The following CDKL1 variants were observed in gnomAD, a reference collection of about 807,000 sequenced individuals.
CDKL1 encodes the protein cyclin-dependent kinase-like 1.
CDKL1 carries 41 observed loss-of-function variants against 42.0 expected under a neutral mutation model. The ratio of observed to expected loss-of-function variants is 0.98; its 90% CI spans 0.76 to 1.27. The LOEUF (loss-of-function observed/expected upper bound fraction) is 1.27, where lower values mean the gene tolerates loss of function less well. Among genes scored for constraint, CDKL1 ranks in the 50% most tolerant of loss-of-function variants. The probability of loss-of-function intolerance (pLI) is 0.00; values close to 1 mark genes in which losing one functional copy is unlikely to be tolerated. For missense variants in CDKL1, 394 were observed against 428.4 expected, an observed-to-expected ratio of 0.92 and a Z score of 0.71; for synonymous variants, 153 against 158.6, an observed-to-expected ratio of 0.96 and a Z score of 0.26.
chr14:50,327,709 C>T lies in CDKL1; in HGVS notation c.*2365G>A, dbSNP rs964411244. The T allele has an allele frequency of 1.3e-5, 2 of 152,046 alleles. No homozygotes were observed. Among genetic ancestry groups the T allele is most frequent in the African/African-American group, 4.8e-5 (2 of 41,404 alleles). The allele number at this position is 152,046 out of a possible 1,614,324, so 9.4% of individuals were successfully genotyped here. A position where few individuals can be genotyped will look rare whatever the true frequency, so the allele number is the denominator to read the frequency against. ...TGAACTCCTAACCTCAGGATCCACC[C>T]GCCTCGGCCTCCCAAAGTGCTGGGA... On this transcript the variant is annotated 3_prime_UTR_variant, in exon 10 of 10. Transcript: ENST00000395834.
intron 6 of CDKL1, among the ~76,000 whole-genome samples, 198 bp from the exon 7 acceptor site, chr14:50,339,227 C>T (rs1012354389): frequency 2.0e-5 from 3 of 152,058 alleles, no homozygotes; most frequent in Non-Finnish European, 4.4e-5. Flanking sequence ...CTGTGTTAGG[C>T]ACAGAGGAGG....
chr14:50,370,788 T>C (rs1243488850), intron 2 of CDKL1, among the ~76,000 whole-genome samples: 2 of 152,100 alleles, frequency 1.3e-5, no homozygotes, highest in East Asian at 1.9e-4. Context: ...CAGTGGGGCA[T>C]ACCTGTTTAA....
chr14:50,387,102 G>A (rs1244493559), intron 2 of CDKL1, among the ~76,000 whole-genome samples: 2 of 151,850 alleles, frequency 1.3e-5, no homozygotes, highest in Non-Finnish European at 2.9e-5. Context: ...AGCTATTCAG[G>A]AGGCTGAGGT....
intron 3 of CDKL1, among the ~76,000 whole-genome samples, chr14:50,352,594 A>G (rs1278537713): frequency 6.6e-6 from 1 of 152,212 alleles, no homozygotes; most frequent in Non-Finnish European, 1.5e-5. Flanking sequence ...AGATCTAAAA[A>G]TTATAATGCA....
intron 3 of CDKL1, among the ~76,000 whole-genome samples, chr14:50,347,329 G>C (rs1479788581): frequency 6.6e-6 from 1 of 152,176 alleles, no homozygotes; most frequent in Non-Finnish European, 1.5e-5. Flanking sequence ...AATATATTCT[G>C]TGGTGTTGGA....
intron 5 of CDKL1, 37 bp from the exon 6 acceptor site, chr14:50,341,269 G>T: frequency 1.3e-6 from 2 of 1,548,116 alleles, no homozygotes; most frequent in Non-Finnish European, 1.8e-6. Context: ...AAACAGCAGC[G>T]GAAGGCTGGA....
intron 2 of CDKL1, among the ~76,000 whole-genome samples, chr14:50,373,631 A>T (rs1430390443): frequency 3.3e-5 from 5 of 152,254 alleles, no homozygotes; most frequent in Admixed American, 3.3e-4. Context: ...CTCACTGAAG[A>T]AGATATAATA....
intron 2 of CDKL1, among the ~76,000 whole-genome samples, chr14:50,371,460 A>G (rs1026152472): frequency 2.0e-5 from 3 of 152,254 alleles, no homozygotes; most frequent in East Asian, 1.9e-4. Context: ...TTAAATTTGC[A>G]TTTTCCTAAT....
intron 7 of CDKL1, chr14:50,336,355 AG>A (rs1299196142): frequency 1.2e-6 from 1 of 838,068 alleles, no homozygotes; most frequent in Non-Finnish European, 1.6e-6. Context: ...GTTATTTCTG[AG>A]GCTTCACCAA....
intron 2 of CDKL1, among the ~76,000 whole-genome samples, chr14:50,383,130 G>A (rs377371592): frequency 1.2e-4 from 18 of 151,846 alleles, no homozygotes; most frequent in South Asian, 8.3e-4. Context: ...GGGTTTCACC[G>A]TGTTAGCCAG....
At chr14:50,383,872 T>C (rs1022701167) in intron 2 of CDKL1, among the ~76,000 whole-genome samples, 2 of 152,292 alleles carry the variant, frequency 1.3e-5, no homozygotes, top group East Asian at 3.9e-4. Flanking sequence ...GCTTCTGTTG[T>C]TCTGAAAGTA....
Position 50,342,054 on chromosome 14 carries a change from C to A in CDKL1, c.454+78G>T, listed in dbSNP as rs2033561946. 8 of 1,134,018 alleles carry A rather than the reference C, an allele frequency of 7.1e-6. No individual in the cohort carries two copies. The Admixed American group carries it at 1.4e-4, about 20-fold the overall frequency. The allele number at this position is 1,134,018 out of a possible 1,614,324, so 70.2% of individuals were successfully genotyped here. On this transcript the variant is annotated intron_variant, in intron 5 of 9. Transcript: ENST00000395834. ...TATACAAGTACTATCTTGTATACTT[C>A]TAGAGCATTTAGATCCTTTGTTGTA...
intron 2 of CDKL1, chr14:50,390,358 A>G: frequency 2.2e-6 from 3 of 1,365,860 alleles, no homozygotes; most frequent in Non-Finnish European, 2.9e-6. Flanking sequence ...AGGAGCATCT[A>G]CTTTTTCTGC....
At chr14:50,379,054 G>C (rs1454041081) in intron 2 of CDKL1, among the ~76,000 whole-genome samples, 1 of 152,046 alleles carries the variant, frequency 6.6e-6, no homozygotes, top group Non-Finnish European at 1.5e-5. Flanking sequence ...ATTTCGCCAT[G>C]TTGGCCAGTT....
rs57657571 is a variant in CDKL1, at chr14:50,329,036, C to CATATATATATATAT, written c.*1024_*1037dup. 95 of 140,570 alleles carry CATATATATATATAT rather than the reference C, an allele frequency of 6.8e-4. No individual in the cohort carries two copies. Among genetic ancestry groups the CATATATATATATAT allele is most frequent in the South Asian group, 1.1e-3 (5 of 4,372 alleles). The allele number at this position is 140,570 out of a possible 1,614,324, so 8.7% of individuals were successfully genotyped here. On this transcript the variant is annotated 3_prime_UTR_variant, in exon 10 of 10. Transcript: ENST00000395834. The stretch of plus-strand genomic sequence containing the variant: ...TGTAATATATTAGTTGTTAGAATAG[C>CATATATATATATAT]ATATATATATATATATATATATATA...
chr14:50,391,347 T>G (rs2035251756), intron 2 of CDKL1, among the ~76,000 whole-genome samples: 1 of 152,132 alleles, frequency 6.6e-6, no homozygotes, highest in Non-Finnish European at 1.5e-5. Context: ...CCCCATAGCT[T>G]AGAGCCAGCT....
chr14:50,362,674 A>G (rs2139461730), intron 2 of CDKL1, among the ~76,000 whole-genome samples: 1 of 151,982 alleles, frequency 6.6e-6, no homozygotes, highest in South Asian at 2.1e-4. Context: ...TTGTGTCCAC[A>G]CTCTGTATCT....
At chr14:50,336,158 G>A in intron 7 of CDKL1, 1 of 1,364,252 alleles carries the variant, frequency 7.3e-7, no homozygotes, top group East Asian at 4.6e-5. Context: ...CCATCTGTGA[G>A]CGTTTCACAG....
intron 3 of CDKL1, among the ~76,000 whole-genome samples, chr14:50,349,106 C>A (rs117806578): frequency 0.019 from 2,919 of 152,270 alleles, 85 homozygotes; most frequent in Admixed American, 0.093. Context: ...ATCAAAAACA[C>A]TGAGCACAAA....
Sources: allele counts gnomAD v4.1 joint callset (sites outside exome capture counted in the v4.1 genomes callset), GRCh38; gene constraint gnomAD v4.1.1; transcripts MANE v1.5; gene names NCBI Gene and HGNC (gene_info 2026-07-23, HGNC 2026-07-21).